Variants in PRLR observed in about 807,000 individuals in gnomAD.
The protein encoded by PRLR is prolactin receptor.
In PRLR, 13 loss-of-function variants were observed where a neutral mutation model predicts 40.2. The observed-to-expected ratio is 0.32, with a 90% CI of 0.21 to 0.51. PRLR has a LOEUF of 0.51. Ranked by LOEUF, PRLR falls within the 20% of genes least tolerant of loss-of-function variation. PRLR has a pLI of 0.97. For missense variants in PRLR, 656 were observed against 747.3 expected (o/e 0.88, Z 1.42); for synonymous variants, 269 against 278.7 (o/e 0.97, Z 0.35).
At chr5:35,076,331 A>AGT (rs1770094509) in intron 5 of PRLR, among the ~76,000 whole-genome samples, 1 of 152,218 alleles carries the variant, frequency 6.6e-6, no homozygotes, top group African/African-American at 2.4e-5. Flanking sequence ...TAGAATAAAC[A>AGT]GCATAGAGAA....
chr5:35,145,777 A>G (rs1199894268), intron 1 of PRLR, among the ~76,000 whole-genome samples: 1 of 150,094 alleles, frequency 6.7e-6, no homozygotes, highest in Non-Finnish European at 1.5e-5. Context: ...ATATTTCAAA[A>G]TAACACCTTT....
intron 1 of PRLR, among the ~76,000 whole-genome samples, chr5:35,194,555 C>T (rs1775684712): frequency 6.6e-6 from 1 of 152,182 alleles, no homozygotes; most frequent in Non-Finnish European, 1.5e-5. Flanking sequence ...AAACAGACTA[C>T]AGTACATCCA....
At chr5:35,106,408 T>A (rs1241205149) in intron 2 of PRLR, among the ~76,000 whole-genome samples, 2 of 152,072 alleles carry the variant, frequency 1.3e-5, no homozygotes, top group African/African-American at 4.8e-5. Context: ...GGCTAAATGC[T>A]CCAATTAAAA....
intron 1 of PRLR, among the ~76,000 whole-genome samples, chr5:35,224,873 T>A (rs12697336): frequency 0.59 from 89,148 of 151,924 alleles, 27,546 homozygotes; most frequent in Non-Finnish European, 0.7. Context: ...AGGAAAAAAA[T>A]TATATCTTTA....
intron 2 of PRLR, among the ~76,000 whole-genome samples, chr5:35,090,200 G>A (rs189446829): frequency 8.1e-4 from 124 of 152,224 alleles, no homozygotes; most frequent in Non-Finnish European, 1.5e-3. Context: ...ATGCATTACC[G>A]CAAAGCGAAC....
Position 35,055,986 on chromosome 5 carries a change from G to T in PRLR, c.*9103C>A, listed in dbSNP as rs1179561814. The T allele has an allele frequency of 1.3e-5, 2 of 152,144 alleles. No individual in the cohort carries two copies. Among genetic ancestry groups the T allele is most frequent in the East Asian group, 3.8e-4 (2 of 5,206 alleles). The allele number at this position is 152,144 out of a possible 1,614,324, so 9.4% of individuals were successfully genotyped here. A position where few individuals can be genotyped will look rare whatever the true frequency, so the allele number is the denominator to read the frequency against. On this transcript the variant is annotated 3_prime_UTR_variant, in exon 10 of 10. Coordinates refer to ENST00000618457, the MANE Select transcript of PRLR (RefSeq NM_000949.7). ...CAAATACAGTAATAAAAATTCCTGAGCTCCCTTTTCTTACACCAGTATTCA... is the reference window on the plus strand; with the variant it reads ...CAAATACAGTAATAAAAATTCCTGATCTCCCTTTTCTTACACCAGTATTCA...
chr5:35,062,211 G>C lies in PRLR; in HGVS notation c.*2878C>G, dbSNP rs1397005532. On this transcript the variant is annotated 3_prime_UTR_variant, in exon 10 of 10. Coordinates refer to ENST00000618457, the MANE Select transcript of PRLR (RefSeq NM_000949.7). ...AGATTAGGATAGAAGGCATTGGTTGGGATTATCTTTGCAGAAAAATATTCA... is the reference window on the plus strand; with the variant it reads ...AGATTAGGATAGAAGGCATTGGTTGCGATTATCTTTGCAGAAAAATATTCA... The C allele has an allele frequency of 6.6e-6, 1 of 152,048 alleles. No homozygotes were observed. Among genetic ancestry groups the C allele is most frequent in the Non-Finnish European group, 1.5e-5 (1 of 68,022 alleles). The allele number at this position is 152,048 out of a possible 1,614,324, so 9.4% of individuals were successfully genotyped here. A position where few individuals can be genotyped will look rare whatever the true frequency, so the allele number is the denominator to read the frequency against.
chr5:35,086,743 C>T (rs1770877519), intron 3 of PRLR, among the ~76,000 whole-genome samples: 1 of 152,066 alleles, frequency 6.6e-6, no homozygotes, highest in Non-Finnish European at 1.5e-5. Context: ...TGATACCCTC[C>T]CTCAGCCTAA....
chr5:35,052,945 G>A (rs749548973), downstream of PRLR, among the ~76,000 whole-genome samples: 1 of 152,146 alleles, frequency 6.6e-6, no homozygotes, highest in African/African-American at 2.4e-5. Flanking sequence ...CATTCTGAAG[G>A]CTCCCATGTC....
At chr5:35,089,820 A>G (rs1192729437) in intron 2 of PRLR, among the ~76,000 whole-genome samples, 157 bp from the exon 3 acceptor site, 1 of 152,202 alleles carries the variant, frequency 6.6e-6, no homozygotes, top group Non-Finnish European at 1.5e-5. Context: ...ACAGGGTTGG[A>G]TGGCTTGGCA....
intron 1 of PRLR, among the ~76,000 whole-genome samples, chr5:35,160,911 A>G (rs927191525): frequency 6.6e-6 from 1 of 152,188 alleles, no homozygotes; most frequent in African/African-American, 2.4e-5. Flanking sequence ...AGCCTTCGAT[A>G]AGACTGACTT....
At chr5:35,179,717 T>C (rs979126447) in intron 1 of PRLR, among the ~76,000 whole-genome samples, 7 of 152,206 alleles carry the variant, frequency 4.6e-5, no homozygotes, top group Non-Finnish European at 7.3e-5. Context: ...TGTTGGATTA[T>C]AATCCCCAGT....
At chr5:35,087,433 T>C in intron 3 of PRLR, among the ~76,000 whole-genome samples, 1 of 151,480 alleles carries the variant, frequency 6.6e-6, no homozygotes, top group South Asian at 2.1e-4. Flanking sequence ...TGTGTGTGTG[T>C]GTGTGTGTGT....
chr5:35,102,840 G>A (rs1771988428), intron 2 of PRLR, among the ~76,000 whole-genome samples: 1 of 152,054 alleles, frequency 6.6e-6, no homozygotes, highest in South Asian at 2.1e-4. Context: ...GCCACGCCCG[G>A]CTTTTTTCTT....
At chr5:35,192,363 C>T (rs1775631242) in intron 1 of PRLR, among the ~76,000 whole-genome samples, 1 of 152,196 alleles carries the variant, frequency 6.6e-6, no homozygotes, top group Non-Finnish European at 1.5e-5. Flanking sequence ...CTGTGCCCTC[C>T]TCTCTCCCCC....
chr5:35,225,901 C>T (rs778869131), intron 1 of PRLR, among the ~76,000 whole-genome samples: 1 of 152,196 alleles, frequency 6.6e-6, no homozygotes, highest in Non-Finnish European at 1.5e-5. Flanking sequence ...AGGCTGGTCT[C>T]GAATTCCTGA....
chr5:35,063,977 T>A lies in PRLR; in HGVS notation c.*1112A>T, dbSNP rs932940316. 6.6e-6 allele frequency: 1 copy of A among 152,184 alleles called. No homozygotes were observed. The highest frequency in any genetic ancestry group is 6.5e-5 in the Admixed American group (1 of 15,280). 9.4% of individuals were successfully genotyped at this position (152,184 alleles called of 1,614,324 possible). A position where few individuals can be genotyped will look rare whatever the true frequency, so the allele number is the denominator to read the frequency against. ...ATATTGCGTTGAAAACTGAATTTTG[T>A]CATTCACTTCATATTTCACAGTGGG... On this transcript the variant is annotated 3_prime_UTR_variant, in exon 10 of 10. Coordinates refer to ENST00000618457, the MANE Select transcript of PRLR (RefSeq NM_000949.7).
chr5:35,118,872 A>G (rs1040318404), intron 1 of PRLR, among the ~76,000 whole-genome samples: 2 of 150,504 alleles, frequency 1.3e-5, no homozygotes, highest in Non-Finnish European at 3.0e-5. Flanking sequence ...TGCAACTTCA[A>G]CCTCCCCAGG....
chr5:35,204,872 A>G (rs1248474125), intron 1 of PRLR, among the ~76,000 whole-genome samples: 1 of 152,182 alleles, frequency 6.6e-6, no homozygotes, highest in Non-Finnish European at 1.5e-5. Context: ...CTCAAAGATG[A>G]TAACATCACA....
Sources: gnomAD v4.1 joint callset for allele counts (sites outside exome capture counted in the v4.1 genomes callset) on GRCh38, gnomAD v4.1.1 for gene constraint, MANE v1.5 for transcripts, NCBI Gene and HGNC (gene_info 2026-07-23, HGNC 2026-07-21) for gene names.